The following TENM2 variants were observed in gnomAD, a reference collection of about 807,000 sequenced individuals.
TENM2 encodes the protein teneurin-2.
TENM2 carries 52 observed loss-of-function variants against 245.2 expected under a neutral mutation model. That is an observed-to-expected ratio of 0.21 (90% CI 0.17 to 0.27). The LOEUF (loss-of-function observed/expected upper bound fraction) is 0.27, where lower values mean the gene tolerates loss of function less well. TENM2 is among the 10% of genes least tolerant of loss of function. The pLI, the probability that TENM2 is intolerant of heterozygous loss-of-function variation, is 1.00. For synonymous variants in TENM2, 1,363 were observed against 1,438.9 expected, an observed-to-expected ratio of 0.95 and a Z score of 1.19; for missense variants, 3,046 against 3,666.8, an observed-to-expected ratio of 0.83 and a Z score of 4.37.
chr5:167,229,401 G>A, the TENM2 span, among the ~76,000 whole-genome samples: 2 of 152,194 alleles, frequency 1.3e-5, no homozygotes, highest in South Asian at 4.1e-4. Flanking sequence ...TGGTGGGCTG[G>A]GTGGCTGAGC....
At chr5:167,037,966 G>A in the TENM2 span, among the ~76,000 whole-genome samples, 13 of 152,308 alleles carry the variant, frequency 8.5e-5, no homozygotes, top group Non-Finnish European at 1.0e-4. Context: ...CTATGCTTCC[G>A]CATTCCACTG....
intron 3 of TENM2, among the ~76,000 whole-genome samples, chr5:167,934,650 G>T (rs2151726105): frequency 6.6e-6 from 1 of 152,324 alleles, no homozygotes; most frequent in Middle Eastern, 3.4e-3. Context: ...GAGCCTTTGG[G>T]TATTAACCAG....
At chr5:167,431,970 T>TGTGTATATATATATATACATAC (rs1554150945) in intron 2 of TENM2, among the ~76,000 whole-genome samples, 1 of 135,530 alleles carries the variant, frequency 7.4e-6, no homozygotes, top group Admixed American at 7.5e-5. Flanking sequence ...TGTATATATA[T>TGTGTATATATATATATACATAC]ATATATATGG....
intron 7 of TENM2, 52 bp downstream of exon 9, chr5:168,062,317 ATG>A (rs1318794510): frequency 3.0e-5 from 44 of 1,456,470 alleles, no homozygotes; most frequent in Non-Finnish European, 3.7e-5. Flanking sequence ...ATACGTATAT[ATG>A]TGTGTGTGTA....
At chr5:167,744,975 C>A (rs1761457729) in intron 2 of TENM2, among the ~76,000 whole-genome samples, 1 of 152,082 alleles carries the variant, frequency 6.6e-6, no homozygotes, top group Non-Finnish European at 1.5e-5. Context: ...ATCTTTTTGT[C>A]TCCATGTGAC....
At chr5:168,022,185 C>T (rs988625115) in intron 5 of TENM2, among the ~76,000 whole-genome samples, 12 of 152,342 alleles carry the variant, frequency 7.9e-5, no homozygotes, top group East Asian at 3.9e-4. Context: ...GAGCAGGCAC[C>T]GTGCCGGGGG....
At chr5:167,663,316 A>G (rs1284184051) in intron 2 of TENM2, among the ~76,000 whole-genome samples, 2 of 152,174 alleles carry the variant, frequency 1.3e-5, no homozygotes, top group Non-Finnish European at 2.9e-5. Context: ...CTGTTTGTCT[A>G]AAAAATACTT....
At chr5:168,013,252 G>C (rs1235519633) in intron 5 of TENM2, among the ~76,000 whole-genome samples, 1 of 152,164 alleles carries the variant, frequency 6.6e-6, no homozygotes, top group Non-Finnish European at 1.5e-5. Flanking sequence ...ACGAGGGTTG[G>C]AATTGTCTGA....
chr5:167,344,301 C>T (rs563524997), intron 1 of TENM2, among the ~76,000 whole-genome samples: 1,171 of 115,024 alleles, frequency 0.01, 12 homozygotes, highest in Non-Finnish European at 0.013. Context: ...CACACACACA[C>T]ACACACACAT....
chr5:168,120,729 A>G (rs572056562), intron 10 of TENM2, among the ~76,000 whole-genome samples: 2 of 152,364 alleles, frequency 1.3e-5, no homozygotes, highest in East Asian at 3.9e-4. Context: ...CAAAATAGGA[A>G]ATGGAATCAG....
chr5:168,124,776 C>T, intron 10 of TENM2, 74 bp from the exon 13 acceptor site: 2 of 1,410,696 alleles, frequency 1.4e-6, no homozygotes, highest in Non-Finnish European at 1.9e-6. Flanking sequence ...CAGCAGCAAG[C>T]CCATGTCTCA....
intron 7 of TENM2, among the ~76,000 whole-genome samples, chr5:168,070,919 T>A (rs1790960989): frequency 6.9e-6 from 1 of 145,476 alleles, no homozygotes; most frequent in African/African-American, 2.6e-5. Flanking sequence ...GAAACCACTG[T>A]GGAAGTGCTG....
intron 13 of TENM2, among the ~76,000 whole-genome samples, chr5:168,176,522 A>G (rs1189327223): frequency 6.6e-6 from 1 of 152,172 alleles, no homozygotes; most frequent in Non-Finnish European, 1.5e-5. Context: ...ACTTCTTTAG[A>G]GAAGCCCTCC....
At chr5:167,531,325 T>G (rs186308442) in intron 2 of TENM2, among the ~76,000 whole-genome samples, 187 of 152,312 alleles carry the variant, frequency 1.2e-3, no homozygotes, top group African/African-American at 4.3e-3. Context: ...TACTATCATT[T>G]TATTTTATTT....
intron 7 of TENM2, among the ~76,000 whole-genome samples, chr5:168,086,135 A>G (rs766655334): frequency 5.3e-5 from 8 of 152,076 alleles, no homozygotes; most frequent in Non-Finnish European, 1.0e-4. Flanking sequence ...GTGTGTATCA[A>G]TGTGGTTTCT....
intron 12 of TENM2, among the ~76,000 whole-genome samples, chr5:168,143,963 C>T (rs1371759607): frequency 2.0e-5 from 3 of 149,420 alleles, no homozygotes; most frequent in Non-Finnish European, 4.4e-5. Flanking sequence ...GATTCTCCTG[C>T]CTCAGCCTCC....
the TENM2 span, among the ~76,000 whole-genome samples, chr5:167,270,864 C>A: frequency 6.6e-6 from 1 of 152,002 alleles, no homozygotes; most frequent in African/African-American, 2.4e-5. Context: ...ACTCACTTAA[C>A]CTCTCAGAAT....
At chr5:167,514,488 C>T (rs1053633195) in intron 2 of TENM2, among the ~76,000 whole-genome samples, 13 of 152,102 alleles carry the variant, frequency 8.5e-5, no homozygotes, top group African/African-American at 2.7e-4. Context: ...TTTCATGGTT[C>T]GAAACTTGGT....
upstream of TENM2, among the ~76,000 whole-genome samples, chr5:167,281,036 T>C (rs1377669770): frequency 6.6e-6 from 1 of 152,124 alleles, no homozygotes; most frequent in Non-Finnish European, 1.5e-5. Flanking sequence ...ATTTATAGTC[T>C]GCCTGATTTT....
Sources: gnomAD v4.1 joint callset for allele counts (sites outside exome capture counted in the v4.1 genomes callset) on GRCh38, gnomAD v4.1.1 for gene constraint, MANE v1.5 for transcripts, NCBI Gene and HGNC (gene_info 2026-07-23, HGNC 2026-07-21) for gene names.